The following OPA1 variants were observed in gnomAD, a reference collection of about 807,000 sequenced individuals.
OPA1 encodes OPA1 mitochondrial dynamin like GTPase, also known as dynamin-like GTPase OPA1, mitochondrial.
OPA1 carries 59 observed loss-of-function variants against 152.9 expected under a neutral mutation model. That is an observed-to-expected ratio of 0.39 (90% confidence interval 0.31 to 0.48). The LOEUF is 0.48. OPA1 is among the 20% of genes least tolerant of loss of function. The pLI, the probability that OPA1 is intolerant of heterozygous loss-of-function variation, is 0.96. For missense variants in OPA1, 1,008 were observed against 1,216.8 expected, an observed-to-expected ratio of 0.83 and a Z score of 2.55; for synonymous variants, 400 against 389.9, an observed-to-expected ratio of 1.03 and a Z score of -0.31.
At chr3:193,648,597 T>A in intron 20 of OPA1, 198 bp from the exon 21 acceptor site, 2 of 522,216 alleles carry the variant, frequency 3.8e-6, no homozygotes, top group South Asian at 2.1e-5. Flanking sequence ...AGGTAGATAT[T>A]TATGTCAGTT....
At chr3:193,629,646 G>A (rs1330696517) in intron 7 of OPA1, among the ~76,000 whole-genome samples, 1 of 151,900 alleles carries the variant, frequency 6.6e-6, no homozygotes, top group Non-Finnish European at 1.5e-5. Flanking sequence ...CTTCCAGCCT[G>A]GGCGACTCCG....
intron 11 of OPA1, among the ~76,000 whole-genome samples, chr3:193,641,381 C>G (rs973920243): frequency 4.0e-4 from 61 of 152,166 alleles, no homozygotes; most frequent in Non-Finnish European, 3.2e-4. Context: ...AGCATTTTAA[C>G]CTCCTTAGCA....
intron 1 of OPA1, among the ~76,000 whole-genome samples, chr3:193,606,816 G>T (rs1043007688): frequency 2.0e-5 from 3 of 152,116 alleles, no homozygotes; most frequent in African/African-American, 7.2e-5. Context: ...GGTATTTCTA[G>T]TTCTAGATCC....
chr3:193,597,594 G>A (rs986084445), intron 1 of OPA1, among the ~76,000 whole-genome samples: 6 of 151,786 alleles, frequency 4.0e-5, no homozygotes, highest in Admixed American at 3.3e-4. Flanking sequence ...AGGAGGCTGA[G>A]GCAGGAGAAT....
intron 1 of OPA1, among the ~76,000 whole-genome samples, chr3:193,595,594 T>C (rs1049881993): frequency 6.6e-6 from 1 of 152,234 alleles, no homozygotes; most frequent in Non-Finnish European, 1.5e-5. Context: ...TTCATCTTCA[T>C]GATTATCTTG....
intron 11 of OPA1, among the ~76,000 whole-genome samples, chr3:193,641,018 AT>A (rs1324819201): frequency 1.3e-5 from 2 of 152,144 alleles, no homozygotes; most frequent in African/African-American, 4.8e-5. Flanking sequence ...TTACATATCC[AT>A]TTTACTACCG....
At chr3:193,624,447 G>C (rs921830442) in intron 6 of OPA1, 6 of 152,036 alleles carry the variant, frequency 3.9e-5, no homozygotes, top group Non-Finnish European at 7.4e-5. Context: ...TTGAACACTT[G>C]GATAATTTGA....
chr3:193,649,957 A>C (rs1711983044), intron 21 of OPA1, among the ~76,000 whole-genome samples: 1 of 152,204 alleles, frequency 6.6e-6, no homozygotes, highest in Admixed American at 6.5e-5. Context: ...TGAGTATAAT[A>C]CTAGTTGCCT....
rs759086025 is a variant in OPA1, at chr3:193,643,453, A to G, written c.1377+9A>G. On this transcript the variant is annotated intron_variant, in intron 14 of 30. Transcript: ENST00000361510. ...TACCAGGTGTGATTAATGTAAGTAT[A>G]TACAAAACATGTATTTTATTTTATT... 27 of 1,608,638 alleles carry G rather than the reference A, an allele frequency of 1.7e-5. 1 individual carries two copies. The East Asian group carries it at 5.8e-4, about 35-fold the overall frequency.
chr3:193,657,572 A>G (rs986802110), intron 23 of OPA1, among the ~76,000 whole-genome samples: 1 of 152,350 alleles, frequency 6.6e-6, no homozygotes, highest in Non-Finnish European at 1.5e-5. Context: ...AATGAAAGGA[A>G]CTACATGCGT....
intron 21 of OPA1, among the ~76,000 whole-genome samples, chr3:193,653,540 A>T (rs1713047727): frequency 6.6e-6 from 1 of 152,170 alleles, no homozygotes. Flanking sequence ...TTGAGATTTC[A>T]AATTGAAATA....
chr3:193,682,120 G>A (rs1243641910), intron 29 of OPA1, among the ~76,000 whole-genome samples: 1 of 152,200 alleles, frequency 6.6e-6, no homozygotes, highest in Non-Finnish European at 1.5e-5. Context: ...GTGAACACAC[G>A]AATGATAAAG....
At position 193,654,928 on chromosome 3, in the gene OPA1, T is replaced by G. The variant is rs1486381179; in HGVS notation, c.2079T>G (p.Leu693=). Residue 693 remains leucine, a synonymous_variant, in exon 22 of 31, where the codon CTT becomes CTG. Transcript: ENST00000361510. ...VSTHVIENIY[L]PAAQTMNSGT... Reference sequence around the variant, plus strand: ...CTCATGTGATTGAAAACATCTACCTTCCAGCTGCGCAGACCATGAATTCAG... The same window carrying G: ...CTCATGTGATTGAAAACATCTACCTGCCAGCTGCGCAGACCATGAATTCAG... 1 of 1,613,918 alleles carries G rather than the reference T, an allele frequency of 6.2e-7. No individual in the cohort carries two copies. Among genetic ancestry groups the G allele is most frequent in the Non-Finnish European group, 8.5e-7 (1 of 1,179,918 alleles).
chr3:193,662,926 C>T lies in OPA1; in HGVS notation c.2625C>T (p.Asn875=). ...ATGAAATAACCACAGTCCGGAAGAA[C>T]CTTGAATCCCGAGGAGTAGAAGTAG... is the stretch of plus-strand genomic sequence containing the variant. ...ASDEITTVRK[N]LESRGVEVDP... is the part of the protein sequence containing the mutation. Residue 875 remains asparagine (N), a synonymous_variant, in exon 26 of 31, where the codon AAC becomes AAT. Transcript: ENST00000361510. 6.2e-7 allele frequency: 1 copy of T among 1,613,596 alleles called. No homozygotes were observed. The highest frequency in any genetic ancestry group is 8.5e-7 in the Non-Finnish European group (1 of 1,179,632).
At chr3:193,642,467 T>A (rs981901135) in intron 11 of OPA1, among the ~76,000 whole-genome samples, 2 of 152,236 alleles carry the variant, frequency 1.3e-5, no homozygotes, top group Non-Finnish European at 2.9e-5. Context: ...GTGCTGTGTA[T>A]AGCATTGACT....
At chr3:193,595,030 A>C (rs1374335994) in intron 1 of OPA1, among the ~76,000 whole-genome samples, 1 of 152,226 alleles carries the variant, frequency 6.6e-6, no homozygotes, top group Non-Finnish European at 1.5e-5. Flanking sequence ...TATTTATTTA[A>C]TTGGCTGTCA....
intron 25 of OPA1, among the ~76,000 whole-genome samples, chr3:193,660,995 C>T (rs966829810): frequency 2.6e-5 from 4 of 152,162 alleles, no homozygotes; most frequent in Admixed American, 6.5e-5. Context: ...GATATTAGGC[C>T]TAAAGTCTCT....
intron 1 of OPA1, among the ~76,000 whole-genome samples, chr3:193,601,193 T>C (rs1005490143): frequency 6.6e-6 from 1 of 152,156 alleles, no homozygotes; most frequent in Non-Finnish European, 1.5e-5. Flanking sequence ...TCCGTACAAA[T>C]GGTACTTCAC....
At chr3:193,678,160 G>A (rs1379439166) in intron 29 of OPA1, among the ~76,000 whole-genome samples, 1 of 152,086 alleles carries the variant, frequency 6.6e-6, no homozygotes, top group Non-Finnish European at 1.5e-5. Context: ...TTGCTGTTTT[G>A]ATTAACTTCA....
Sources: allele counts gnomAD v4.1 joint callset (sites outside exome capture counted in the v4.1 genomes callset), GRCh38; gene constraint gnomAD v4.1.1; transcripts MANE v1.5; gene names NCBI Gene and HGNC (gene_info 2026-07-23, HGNC 2026-07-21).